Variants in PCDHGA10 observed in about 807,000 individuals in gnomAD.
PCDHGA10 encodes the protein protocadherin gamma subfamily A, 10.
A neutral mutation model predicts 59.5 loss-of-function variants in PCDHGA10; 42 were observed. That is an observed-to-expected ratio of 0.71 (90% CI 0.55 to 0.91). The LOEUF (loss-of-function observed/expected upper bound fraction) is 0.91. Ranked by LOEUF, PCDHGA10 falls within the 40% of genes least tolerant of loss-of-function variation. The pLI, the probability that PCDHGA10 is intolerant of heterozygous loss-of-function variation, is 0.00. For missense variants in PCDHGA10, 1,111 were observed against 1,198.2 expected, an observed-to-expected ratio of 0.93 and a Z score of 1.07; for synonymous variants, 511 against 517.2, an observed-to-expected ratio of 0.99 and a Z score of 0.16.
intron 1 of PCDHGA10, chr5:141,426,336 C>T (rs779025306): frequency 1.7e-4 from 31 of 187,682 alleles, no homozygotes; most frequent in Non-Finnish European, 2.8e-4. Context: ...GGCAAGCACT[C>T]TTCCCTTTCC....
chr5:141,461,213 T>C (rs1457474925), intron 1 of PCDHGA10, among the ~76,000 whole-genome samples: 1 of 152,168 alleles, frequency 6.6e-6, no homozygotes, highest in African/African-American at 2.4e-5. Flanking sequence ...AGAATCTCCA[T>C]ACTGTTTTCC....
Position 141,456,287 on chromosome 5 carries a change from C to A in PCDHGA10, c.2437-38520C>A, listed in dbSNP as rs951430060. On this transcript the variant is annotated intron_variant, in intron 1 of 3. Transcript: ENST00000398610. ...CTGGCTACTTCCTGCTGAAAAGGGGCGTCTAATGGAGAACAGCAGCTAGGG... is the reference window on the plus strand; with the variant it reads ...CTGGCTACTTCCTGCTGAAAAGGGGAGTCTAATGGAGAACAGCAGCTAGGG... Among the ~76,000 whole-genome samples, 11 of 152,166 alleles carry A rather than the reference C, an allele frequency of 7.2e-5. No individual in the cohort carries two copies. In the East Asian group the frequency reaches 1.9e-3, roughly 27 times the overall value.
At chr5:141,430,584 G>A (rs1451886397) in intron 1 of PCDHGA10, 3 of 495,136 alleles carry the variant, frequency 6.1e-6, no homozygotes, top group African/African-American at 5.9e-5. Flanking sequence ...GATCCTGCTC[G>A]CCTTGCACGC....
At position 141,414,273 on chromosome 5, in the gene PCDHGA10, G is replaced by A; in HGVS notation, c.1098G>A (p.Leu366=). 6.2e-7 allele frequency: 1 copy of A among 1,613,418 alleles called. No individual in the cohort carries two copies. The highest frequency in any genetic ancestry group is 8.5e-7 in the Non-Finnish European group (1 of 1,179,728). Residue 366 remains leucine (L), a synonymous_variant, in exon 1 of 4, where the codon CTG becomes CTA. Transcript: ENST00000398610. ...GTCCAGTGACTGAAGATTCACCTCT[G>A]GGAACAGTCGTAGCCCTTTTAAATG... ...LFSPVTEDSP[L]GTVVALLNVH...
At chr5:141,478,505 T>C (rs1298083274) in intron 1 of PCDHGA10, 3 of 1,612,032 alleles carry the variant, frequency 1.9e-6, no homozygotes, top group Non-Finnish European at 2.5e-6. Context: ...TCCGGTGTTC[T>C]ATAGGCAGGT....
intron 1 of PCDHGA10, chr5:141,421,165 T>C: frequency 7.7e-7 from 1 of 1,297,018 alleles, no homozygotes; most frequent in Non-Finnish European, 1.0e-6. Flanking sequence ...ACTTCATAGA[T>C]ACATAAGCCG....
intron 1 of PCDHGA10, chr5:141,478,400 C>A (rs1295855090): frequency 6.2e-7 from 1 of 1,613,550 alleles, no homozygotes; most frequent in East Asian, 2.2e-5. Context: ...TCAGGTGTAT[C>A]TCACCACGGA....
At chr5:141,418,341 A>G (rs1407312724) in intron 1 of PCDHGA10, 1 of 1,614,006 alleles carries the variant, frequency 6.2e-7, no homozygotes, top group South Asian at 1.1e-5. Context: ...GAAGATCCTG[A>G]TATTAGTATG....
chr5:141,476,951 A>C lies in PCDHGA10; in HGVS notation c.2437-17856A>C. On this transcript the variant is annotated intron_variant, in intron 1 of 3. Coordinates refer to ENST00000398610, the MANE Select transcript of PCDHGA10 (RefSeq NM_018913.3). The surrounding 1 kb of genome is among the most constrained non-coding windows in gnomAD (Gnocchi z 7.6). ...TCTGGATGAAGGCCCCAACGGTGAA[A>C]TTATTTACTCCTTCGGCAGCCACAA... 6.2e-7 allele frequency: 1 copy of C among 1,614,184 alleles called. No individual in the cohort carries two copies. Among genetic ancestry groups the C allele is most frequent in the South Asian group, 1.1e-5 (1 of 91,088 alleles).
At chr5:141,471,942 A>G (rs1163887457) in intron 1 of PCDHGA10, among the ~76,000 whole-genome samples, 1 of 152,192 alleles carries the variant, frequency 6.6e-6, no homozygotes, top group Non-Finnish European at 1.5e-5. Flanking sequence ...AGAGTTTTCT[A>G]AAACTGGATT....
chr5:141,492,546 G>A (rs2154587552), intron 1 of PCDHGA10, among the ~76,000 whole-genome samples: 1 of 152,336 alleles, frequency 6.6e-6, no homozygotes, highest in East Asian at 1.9e-4. Flanking sequence ...GCTGGGCCGG[G>A]TCGCCTGGGG....
chr5:141,483,951 TTG>T (rs1298075162), intron 1 of PCDHGA10, among the ~76,000 whole-genome samples: 2 of 147,758 alleles, frequency 1.4e-5, no homozygotes, highest in Non-Finnish European at 3.0e-5. Flanking sequence ...GTGAATTGTG[TTG>T]TGTTTCTGTG....
intron 1 of PCDHGA10, chr5:141,426,510 T>C: frequency 2.9e-6 from 1 of 342,914 alleles, no homozygotes; most frequent in Non-Finnish European, 5.8e-6. Context: ...AACAATACTT[T>C]ACCGTGAACA....
Position 141,489,646 on chromosome 5 carries a change from C to G in PCDHGA10, c.2437-5161C>G, listed in dbSNP as rs1274955075. The G allele has an allele frequency of 1.2e-6, 2 of 1,614,186 alleles. No individual in the cohort carries two copies. Among genetic ancestry groups the G allele is most frequent in the Non-Finnish European group, 1.7e-6 (2 of 1,180,022 alleles). ...TGACAACTCTCCTAGCTTTGCCACC[C>G]CTGAGCGAGAGATGCGCATCTCAGA... On this transcript the variant is annotated intron_variant, in intron 1 of 3. Coordinates refer to ENST00000398610, the MANE Select transcript of PCDHGA10 (RefSeq NM_018913.3). The surrounding 1 kb of genome is among the most constrained non-coding windows in gnomAD (Gnocchi z 4.5).
intron 2 of PCDHGA10, among the ~76,000 whole-genome samples, chr5:141,504,422 T>G (rs1375202110): frequency 6.6e-6 from 1 of 152,078 alleles, no homozygotes; most frequent in Admixed American, 6.6e-5. Context: ...AGACAGGCAC[T>G]ACAACAGCTG....
Position 141,415,435 on chromosome 5 carries a change from C to G in PCDHGA10, c.2260C>G (p.Leu754Val). ...GGGCGTGGACGGGGTTCGGGCTTTCCTGCAGACCTATTCCCACGAGGTCTC... is the reference window on the plus strand; with the variant it reads ...GGGCGTGGACGGGGTTCGGGCTTTCGTGCAGACCTATTCCCACGAGGTCTC... ...FVGVDGVRAF[L>V]QTYSHEVSLT... The change falls in exon 1 of 4, where the codon CTG (leucine) becomes GTG (valine). Residue 754 changes from leucine (L) to valine (V), a missense_variant. Physicochemically the swap from Leu to Val is conservative, Grantham distance 32 (BLOSUM62 1). Transcript: ENST00000398610. The G allele has an allele frequency of 6.2e-7, 1 of 1,614,202 alleles. No homozygotes were observed.
At chr5:141,494,714 C>G in intron 1 of PCDHGA10, 93 bp from the exon 2 acceptor site, 2 of 1,603,958 alleles carry the variant, frequency 1.2e-6, no homozygotes, top group East Asian at 4.5e-5. Context: ...TGTGCCCACT[C>G]CCCTCCTTCT....
chr5:141,472,505 A>G (rs1041224118), intron 1 of PCDHGA10, among the ~76,000 whole-genome samples: 4 of 152,004 alleles, frequency 2.6e-5, no homozygotes, highest in African/African-American at 7.3e-5. Context: ...GTGCCACTGC[A>G]CTCCAGCCTG....
At position 141,487,728 on chromosome 5, in the gene PCDHGA10, C is replaced by T. The variant is rs986276637; in HGVS notation, c.2437-7079C>T. 2 of 1,570,444 alleles carry T rather than the reference C, an allele frequency of 1.3e-6. No homozygotes were observed. Among genetic ancestry groups the T allele is most frequent in the East Asian group, 2.3e-5 (1 of 42,866 alleles). ...TCAGTAAGTGCCCATAGTGATGTCA[C>T]CATTTTTGTAAGAGGTAACTATGTG... On this transcript the variant is annotated intron_variant, in intron 1 of 3. Coordinates refer to ENST00000398610, the MANE Select transcript of PCDHGA10 (RefSeq NM_018913.3). The surrounding 1 kb of genome is among the most constrained non-coding windows in gnomAD (Gnocchi z 5.0).
Sources: allele counts gnomAD v4.1 joint callset (sites outside exome capture counted in the v4.1 genomes callset), GRCh38; gene constraint gnomAD v4.1.1; non-coding constraint Gnocchi (gnomAD v3.1); transcripts MANE v1.5; gene names NCBI Gene and HGNC (gene_info 2026-07-23, HGNC 2026-07-21).